Variants in TSC2 observed in about 807,000 individuals in gnomAD.
TSC2 encodes the protein TSC complex subunit 2, also known as tuberin.
Under a neutral mutation model 202.2 loss-of-function variants are expected in TSC2, and 29 were observed. The observed-to-expected ratio is 0.14, with a 90% confidence interval of 0.11 to 0.20. TSC2 has a LOEUF of 0.20. Among genes scored for constraint, TSC2 ranks in the 10% least tolerant of loss-of-function variants. TSC2 has a pLI of 1.00. For missense variants in TSC2, 2,429 were observed against 2,420.0 expected (o/e 1.00, Z -0.08); for synonymous variants, 1,349 against 1,044.0 (o/e 1.29, Z -5.63).
At chr16:2,072,022 T>C (rs2151311710) in intron 19 of TSC2, 88 bp downstream of exon 19, 1 of 1,493,648 alleles carries the variant, frequency 6.7e-7, no homozygotes, top group East Asian at 2.5e-5. Context: ...TCCCTCCCTG[T>C]CTGGCCTGTG....
Position 2,053,136 on chromosome 16 carries a change from G to A in TSC2, c.226-206G>A, listed in dbSNP as rs113545405. On this transcript the variant is annotated intron_variant, in intron 3 of 41. Transcript: ENST00000219476. ...GAGTTAAAGGGACCTGCTGGGGTTT[G>A]AGGAAGCTCTGAGCCGTTCCCTGTA... 2.6e-3 allele frequency among the ~76,000 whole-genome samples: 392 copies of A among 152,346 alleles called. 1 individual carries two copies. Among genetic ancestry groups the A allele is most frequent in the African/African-American group, 7.3e-3 (302 of 41,568 alleles).
chr16:2,083,941 A>G, intron 33 of TSC2, 125 bp downstream of exon 33: 1 of 1,444,270 alleles, frequency 6.9e-7, no homozygotes, highest in African/African-American at 1.4e-5. Context: ...GTTCTTCCAC[A>G]TCCCTCGTGC....
chr16:2,059,815 G>A (rs767793017), intron 10 of TSC2, among the ~76,000 whole-genome samples: 14 of 151,962 alleles, frequency 9.2e-5, no homozygotes, highest in Non-Finnish European at 1.8e-4. Flanking sequence ...CACCGTGCCC[G>A]GCCAAGGCTA....
In TSC2 at chr16:2,048,081, C is replaced by T; in HGVS notation, c.-30+16C>T. On this transcript the variant is annotated intron_variant, in intron 1 of 41. Coordinates refer to ENST00000219476, the MANE Select transcript of TSC2 (RefSeq NM_000548.5). ...GCGGCGCGGGGTAAGTGGCGGTCCC[C>T]ACGGGGCAAGTGGCGGTCCCCACGG... 1 of 1,428,548 alleles carries T rather than the reference C, an allele frequency of 7.0e-7. No homozygotes were observed. The highest frequency in any genetic ancestry group is 9.1e-7 in the Non-Finnish European group (1 of 1,097,634). 88.5% of individuals were successfully genotyped at this position (1,428,548 alleles called of 1,614,324 possible).
chr16:2,052,894 C>T (rs899191166), intron 3 of TSC2, among the ~76,000 whole-genome samples: 13 of 152,056 alleles, frequency 8.5e-5, no homozygotes, highest in Admixed American at 5.2e-4. Context: ...GTCGAGGGCC[C>T]GATGCTGGTG....
intron 13 of TSC2, 90 bp from the exon 14 acceptor site, chr16:2,062,882 G>T: frequency 7.0e-7 from 1 of 1,431,378 alleles, no homozygotes; most frequent in Non-Finnish European, 9.5e-7. Context: ...GGAGGACCCA[G>T]AGTCGGGCTG....
rs2150997192 is a variant in TSC2, at chr16:2,050,481, G to C, written c.220G>C (p.Glu74Gln). 6.2e-7 allele frequency: 1 copy of C among 1,613,216 alleles called. No homozygotes were observed. Among genetic ancestry groups the C allele is most frequent in the Non-Finnish European group, 8.5e-7 (1 of 1,179,526 alleles). ...ICEVAKTKKFEEHAVEALWKA... is the reference protein window; with the variant it reads ...ICEVAKTKKFQEHAVEALWKA... ...TGAAGTCGCAAAAACCAAGAAATTT[G>C]AAGAGGTAGGTTTATCCAGTTGAGC... is the stretch of plus-strand genomic sequence containing the variant. The change falls in exon 3 of 42, where the codon GAA becomes CAA. Residue 74 changes from glutamate to glutamine, a missense_variant. Coordinates refer to ENST00000219476, the MANE Select transcript of TSC2 (RefSeq NM_000548.5).
chr16:2,079,008 C>G lies in TSC2; in HGVS notation c.2967-24C>G, dbSNP rs749646938. 7.4e-6 allele frequency: 12 copies of G among 1,611,680 alleles called. No individual in the cohort carries two copies. The highest frequency in any genetic ancestry group is 1.6e-4 in the Middle Eastern group (1 of 6,084). On this transcript the variant is annotated intron_variant, in intron 26 of 41. Transcript: ENST00000219476. The surrounding 1 kb of genome is among the most constrained non-coding windows in gnomAD (Gnocchi z 4.6). ...GGCCCGCCCTACCTGGCACCCTGACCCTGGTCACGGCCTCTCCCTCCAGCA... is the reference window on the plus strand; with the variant it reads ...GGCCCGCCCTACCTGGCACCCTGACGCTGGTCACGGCCTCTCCCTCCAGCA...
At chr16:2,076,879 G>A (rs1048328855) in intron 25 of TSC2, among the ~76,000 whole-genome samples, 2 of 152,178 alleles carry the variant, frequency 1.3e-5, no homozygotes, top group African/African-American at 2.4e-5. Context: ...CCTTGTCTGG[G>A]GCTGCCCCCT....
intron 16 of TSC2, among the ~76,000 whole-genome samples, chr16:2,066,979 G>C (rs17134783): frequency 0.11 from 16,334 of 151,702 alleles, 1,796 homozygotes; most frequent in African/African-American, 0.28. Context: ...ACTTTTCAAA[G>C]CCTCACAGCA....
chr16:2,081,383 T>G (rs2090124594), intron 30 of TSC2: 1 of 645,988 alleles, frequency 1.5e-6, no homozygotes, highest in African/African-American at 1.8e-5. Flanking sequence ...TGCTCTGAGG[T>G]GCCTGGCGGA....
intron 21 of TSC2, 101 bp from the exon 22 acceptor site, chr16:2,074,099 C>G (rs563704334): frequency 1.3e-6 from 2 of 1,489,836 alleles, no homozygotes; most frequent in African/African-American, 2.8e-5. Flanking sequence ...ACTTGCTAAG[C>G]CTCGGCTGTT....
intron 40 of TSC2, 31 bp downstream of exon 40, chr16:2,088,170 G>A (rs2091110537): frequency 1.9e-6 from 3 of 1,613,024 alleles, no homozygotes; most frequent in Non-Finnish European, 1.7e-6. Context: ...GCGTGAGCTG[G>A]TGGGACAGGC....
At chr16:2,076,907 C>T (rs1009376063) in intron 25 of TSC2, among the ~76,000 whole-genome samples, 1 of 152,254 alleles carries the variant, frequency 6.6e-6, no homozygotes, top group African/African-American at 2.4e-5. Context: ...AGCCCCCAGC[C>T]TGCTGCTAGC....
chr16:2,065,307 G>C (rs754532798), intron 15 of TSC2: 121 of 564,786 alleles, frequency 2.1e-4, no homozygotes, highest in Non-Finnish European at 3.4e-4. Flanking sequence ...TAGCTACTGG[G>C]GAGGCTGAGG....
At chr16:2,087,737 G>A (rs1430012357) in intron 38 of TSC2, 126 bp from the exon 39 acceptor site, 3 of 1,214,488 alleles carry the variant, frequency 2.5e-6, no homozygotes, top group South Asian at 2.6e-5. Flanking sequence ...CTGCCAGAGG[G>A]GAAAGTTCAG....
rs45517265 is a variant in TSC2, at chr16:2,076,451, A to G, written c.2743-40A>G. ...GGCCTGGTGAGGGCCTCCAGCCCCC[A>G]TTGCCACCCCTCACTGTCTGGGTGT... On this transcript the variant is annotated intron_variant, in intron 24 of 41. Coordinates refer to ENST00000219476, the MANE Select transcript of TSC2 (RefSeq NM_000548.5). 8.8e-3 allele frequency: 14,251 copies of G among 1,611,124 alleles called. 97 individuals are homozygous for G. Among genetic ancestry groups the G allele is most frequent in the Middle Eastern group, 0.043 (257 of 5,984 alleles).
At chr16:2,065,970 C>T (rs1019720381) in intron 16 of TSC2, among the ~76,000 whole-genome samples, 5 of 152,278 alleles carry the variant, frequency 3.3e-5, no homozygotes, top group South Asian at 4.1e-4. Flanking sequence ...CCCTGCAGTC[C>T]GTTTAATATT....
At chr16:2,080,755 A>C (rs1425401478) in intron 30 of TSC2, 1 of 262,990 alleles carries the variant, frequency 3.8e-6, no homozygotes, top group Non-Finnish European at 7.5e-6. Context: ...AAGTGCTGGG[A>C]TTACAGGCGT....
Sources: gnomAD v4.1 joint callset for allele counts (sites outside exome capture counted in the v4.1 genomes callset) on GRCh38, gnomAD v4.1.1 for gene constraint, Gnocchi (gnomAD v3.1) non-coding constraint, MANE v1.5 for transcripts, NCBI Gene and HGNC (gene_info 2026-07-23, HGNC 2026-07-21) for gene names.